The following RGS6 variants were observed in gnomAD, a reference collection of about 807,000 sequenced individuals.
RGS6 encodes the protein regulator of G protein signaling 6.
In RGS6, 30 loss-of-function variants were observed where a neutral mutation model predicts 78.5. That is an observed-to-expected ratio of 0.38 (90% confidence interval 0.29 to 0.52). The LOEUF (loss-of-function observed/expected upper bound fraction) is 0.52. RGS6 is among the 20% of genes least tolerant of loss of function. RGS6 has a pLI of 0.85. For missense variants in RGS6, 495 were observed against 609.7 expected (o/e 0.81, Z 1.98); for synonymous variants, 206 against 206.0 (o/e 1.00, Z 0.00).
chr14:72,033,250 A>G (rs1212812619), intron 2 of RGS6, among the ~76,000 whole-genome samples: 1 of 152,144 alleles, frequency 6.6e-6, no homozygotes, highest in Non-Finnish European at 1.5e-5. Flanking sequence ...GTTGGTTATC[A>G]TGACAAGGTC....
chr14:72,063,325 A>C (rs2093982741), intron 2 of RGS6, among the ~76,000 whole-genome samples: 1 of 152,154 alleles, frequency 6.6e-6, no homozygotes, highest in Non-Finnish European at 1.5e-5. Context: ...CCAAGGAGGA[A>C]GGAGAAATGA....
In RGS6 at chr14:72,506,230, A is replaced by T. The variant is rs190982225; in HGVS notation, c.966-3924A>T. On this transcript the variant is annotated intron_variant, in intron 13 of 17. Transcript: ENST00000553525. ...ATATGGTCCCTGACCTCAAAGAGCT[A>T]AAAAAAAATAGCTGGAAAGACAATG... Among the ~76,000 whole-genome samples, 15 of 147,194 alleles carry T rather than the reference A, an allele frequency of 1.0e-4. No homozygotes were observed. The East Asian group carries it at 2.7e-3, about 27-fold the overall frequency.
chr14:72,240,027 T>TAC (rs144493437), intron 2 of RGS6, among the ~76,000 whole-genome samples: 108 of 151,632 alleles, frequency 7.1e-4, no homozygotes, highest in African/African-American at 2.1e-3. Flanking sequence ...AACATGAATC[T>TAC]ACACACACAC....
intron 2 of RGS6, among the ~76,000 whole-genome samples, chr14:72,106,295 G>T (rs190010113): frequency 6.6e-6 from 1 of 152,232 alleles, no homozygotes; most frequent in Admixed American, 6.5e-5. Context: ...CCAAAATATG[G>T]TCTCCAGATC....
At chr14:72,022,314 G>A (rs1051354214) in intron 2 of RGS6, 6 of 152,246 alleles carry the variant, frequency 3.9e-5, no homozygotes, top group East Asian at 1.9e-4. Context: ...TTGCTGGGTC[G>A]AATGATAGTT....
At chr14:72,550,639 A>G in intron 17 of RGS6, 1 of 1,508,116 alleles carries the variant, frequency 6.6e-7, no homozygotes, top group South Asian at 1.2e-5. Context: ...GTTCTGAGGC[A>G]TCCATAATTC....
chr14:72,610,374 G>A, the RGS6 span, among the ~76,000 whole-genome samples: 2 of 152,178 alleles, frequency 1.3e-5, no homozygotes, highest in Non-Finnish European at 2.9e-5. Flanking sequence ...ACCTGCCAAA[G>A]CCCACCCAGA....
chr14:72,454,461 C>T (rs772462124), intron 3 of RGS6, 67 bp from the exon 4 acceptor site: 58 of 1,473,486 alleles, frequency 3.9e-5, no homozygotes, highest in Non-Finnish European at 5.5e-5. Flanking sequence ...CTTAGGTAAA[C>T]ATGTTTCTTC....
chr14:72,480,531 A>G (rs1252704234), intron 12 of RGS6, among the ~76,000 whole-genome samples: 1 of 152,238 alleles, frequency 6.6e-6, no homozygotes, highest in Non-Finnish European at 1.5e-5. Flanking sequence ...TTTTATTCCC[A>G]GCAGCAATAA....
chr14:71,940,979 G>T (rs1052312082), intron 1 of RGS6, among the ~76,000 whole-genome samples: 3 of 152,142 alleles, frequency 2.0e-5, no homozygotes, highest in African/African-American at 7.2e-5. Flanking sequence ...TTAAGAGCTT[G>T]TGTCTATTTT....
chr14:72,160,163 C>T (rs2096832839), intron 2 of RGS6, among the ~76,000 whole-genome samples: 1 of 152,110 alleles, frequency 6.6e-6, no homozygotes, highest in African/African-American at 2.4e-5. Context: ...TAGATATAAG[C>T]TAAACCTCTT....
intron 3 of RGS6, among the ~76,000 whole-genome samples, chr14:72,440,262 C>T (rs921430041): frequency 2.4e-4 from 37 of 152,254 alleles, no homozygotes; most frequent in Non-Finnish European, 2.9e-5. Flanking sequence ...ATGCAGTTTG[C>T]TCAGGGGATT....
intron 2 of RGS6, among the ~76,000 whole-genome samples, chr14:72,326,299 T>C (rs571296279): frequency 1.0e-3 from 157 of 152,178 alleles, no homozygotes; most frequent in Non-Finnish European, 1.8e-3. Context: ...AAAATGGCAA[T>C]AGTAATAATT....
At chr14:72,210,001 C>T (rs1366304252) in intron 2 of RGS6, among the ~76,000 whole-genome samples, 11 of 152,150 alleles carry the variant, frequency 7.2e-5, no homozygotes, top group Admixed American at 7.2e-4. Context: ...TTAGAGAGCA[C>T]CCTTTTATGG....
intron 17 of RGS6, among the ~76,000 whole-genome samples, chr14:72,550,258 A>G (rs944845308): frequency 1.6e-4 from 24 of 152,142 alleles, no homozygotes; most frequent in Admixed American, 7.2e-4. Flanking sequence ...GATTGCTACT[A>G]TGTTCTCTCA....
chr14:72,332,642 G>A (rs962769882), intron 2 of RGS6, among the ~76,000 whole-genome samples: 2 of 152,136 alleles, frequency 1.3e-5, no homozygotes, highest in African/African-American at 4.8e-5. Flanking sequence ...CATACCTTCT[G>A]CAAGCACCCA....
the RGS6 span, among the ~76,000 whole-genome samples, chr14:71,895,198 T>C: frequency 6.6e-6 from 1 of 152,194 alleles, no homozygotes; most frequent in African/African-American, 2.4e-5. Flanking sequence ...TGTTTGTTTG[T>C]TTTGAGATGG....
In RGS6 at chr14:72,227,020, C is replaced by T. The variant is rs1438638869; in HGVS notation, c.85-125075C>T. The stretch of plus-strand genomic sequence containing the variant: ...GAGGACACCAAACAAATCAAACCAA[C>T]CAGATATATACACAACATTCATCTA... On this transcript the variant is annotated intron_variant, in intron 2 of 17. Coordinates refer to ENST00000553525, the MANE Select transcript of RGS6 (RefSeq NM_001204424.2). Among the ~76,000 whole-genome samples the T allele has an allele frequency of 3.3e-5, 5 of 152,122 alleles. No homozygotes were observed. The East Asian group carries it at 9.6e-4, about 29-fold the overall frequency.
At chr14:72,220,487 A>G (rs1567505065) in intron 2 of RGS6, among the ~76,000 whole-genome samples, 1 of 152,338 alleles carries the variant, frequency 6.6e-6, no homozygotes, top group East Asian at 1.9e-4. Flanking sequence ...TAGCTATTTA[A>G]CATAGTTGAG....
Sources: gnomAD v4.1 joint callset for allele counts (sites outside exome capture counted in the v4.1 genomes callset) on GRCh38, gnomAD v4.1.1 for gene constraint, MANE v1.5 for transcripts, NCBI Gene and HGNC (gene_info 2026-07-23, HGNC 2026-07-21) for gene names.